CFAP161: variants seen among roughly 807,000 people sequenced by gnomAD.
CFAP161 encodes cilia- and flagella-associated protein 161.
In CFAP161, 25 loss-of-function variants were observed where a neutral mutation model predicts 29.0. The ratio of observed to expected loss-of-function variants is 0.86; its 90% CI spans 0.63 to 1.20. CFAP161 has a LOEUF of 1.20. Ranked by LOEUF, CFAP161 falls within the 50% of genes most tolerant of loss-of-function variation. The pLI, the probability that CFAP161 is intolerant of heterozygous loss-of-function variation, is 0.00. For synonymous variants in CFAP161, 116 were observed against 137.4 expected (o/e 0.84, Z 1.09); for missense variants, 367 against 371.9 (o/e 0.99, Z 0.11).
chr15:81,118,235 A>G, intron 1 of CFAP161: 1 of 500,656 alleles, frequency 2.0e-6, no homozygotes, highest in East Asian at 5.0e-5. Context: ...ATTGAAATCA[A>G]ACCTACATTT....
intron 1 of CFAP161, among the ~76,000 whole-genome samples, chr15:81,100,704 C>CTA (rs373427489): frequency 0.56 from 83,404 of 148,606 alleles, 23,996 homozygotes; most frequent in Non-Finnish European, 0.66. Context: ...CTCTCTCTCT[C>CTA]TTTTTTTTTT....
chr15:81,101,578 G>A (rs745612624), intron 1 of CFAP161, among the ~76,000 whole-genome samples: 2 of 143,226 alleles, frequency 1.4e-5, no homozygotes, highest in East Asian at 2.0e-4. Flanking sequence ...GGGGTGATTC[G>A]TGAGTGATCT....
intron 4 of CFAP161, 25 bp downstream of exon 4, chr15:81,138,160 C>T (rs747363745): frequency 1.9e-6 from 3 of 1,559,650 alleles, no homozygotes. Flanking sequence ...TGCATATCTA[C>T]TTTGGATCAG....
chr15:81,108,509 C>T (rs145927515), intron 1 of CFAP161, among the ~76,000 whole-genome samples: 55 of 152,170 alleles, frequency 3.6e-4, no homozygotes, highest in African/African-American at 1.3e-3. Context: ...GGCTTGTGGT[C>T]CTCAAGGGTT....
At chr15:81,111,836 G>A (rs1375046130) in intron 1 of CFAP161, among the ~76,000 whole-genome samples, 1 of 152,182 alleles carries the variant, frequency 6.6e-6, no homozygotes, top group Non-Finnish European at 1.5e-5. Context: ...AAGTCTCTGA[G>A]TCATTGTTCC....
At chr15:81,142,058 T>C (rs930954374) in intron 4 of CFAP161, among the ~76,000 whole-genome samples, 2 of 152,164 alleles carry the variant, frequency 1.3e-5, no homozygotes, top group Admixed American at 1.3e-4. Context: ...GGCGAATCTA[T>C]CTTGGGCCCA....
intron 1 of CFAP161, among the ~76,000 whole-genome samples, chr15:81,116,710 G>GT (rs1261091414): frequency 1.3e-5 from 2 of 152,174 alleles, no homozygotes; most frequent in Non-Finnish European, 2.9e-5. Context: ...GGCTTGGTGA[G>GT]TTTTTTGTGT....
chr15:81,119,752 C>G (rs934873973), intron 1 of CFAP161, among the ~76,000 whole-genome samples: 3 of 151,982 alleles, frequency 2.0e-5, no homozygotes, highest in Non-Finnish European at 2.9e-5. Flanking sequence ...TTAAAAGGTT[C>G]AAAACAATTG....
At chr15:81,120,097 A>G (rs1894552950) in intron 1 of CFAP161, among the ~76,000 whole-genome samples, 1 of 152,142 alleles carries the variant, frequency 6.6e-6, no homozygotes, top group African/African-American at 2.4e-5. Context: ...AAATGTAAAA[A>G]ATATATATTT....
intron 1 of CFAP161, among the ~76,000 whole-genome samples, chr15:81,124,464 GAAGTT>G (rs1389186708): frequency 9.2e-6 from 1 of 108,444 alleles, no homozygotes; most frequent in Admixed American, 8.9e-5. Context: ...ATACTGGCAT[GAAGTT>G]TTCTTTTTTT....
rs59925511 is a variant in CFAP161 at position 81,115,849 on chromosome 15, A to ATT, written c.-141-11724_-141-11723dup. On this transcript the variant is annotated intron_variant, in intron 1 of 4. Transcript: ENST00000560091. ...AGGTACCACTGTGCCTAGCTAATTA[A>ATT]TTTTTTTTTTTTTTTTTTAACAGAG... Among the ~76,000 whole-genome samples, 716 of 138,694 alleles carry ATT rather than the reference A, an allele frequency of 5.2e-3. 9 individuals carry two copies. Among genetic ancestry groups the ATT allele is most frequent in the African/African-American group, 0.018 (683 of 37,402 alleles). 91.0% of individuals were successfully genotyped at this position (138,694 alleles called of 152,430 possible).
intron 1 of CFAP161, among the ~76,000 whole-genome samples, chr15:81,108,621 G>C (rs1443696246): frequency 6.6e-6 from 1 of 152,144 alleles, no homozygotes; most frequent in Non-Finnish European, 1.5e-5. Context: ...AGGGCCCTCT[G>C]GTGGGGCAAG....
chr15:81,147,917 G>T lies in CFAP161; in HGVS notation c.696G>T (p.Arg232=). ...CAAATCGGGGACTGGCAGCCCACCG[G>T]CATCTTTTCTTAAGGTATTGTATTT... ...CHTNRGLAAH[R]HLFLSTYFGK... is the part of the protein sequence containing the mutation. The change falls in exon 6 of 7, where the codon CGG becomes CGT. Residue 232 remains arginine (R), a synonymous_variant. Transcript: ENST00000286732. 6.2e-7 allele frequency: 1 copy of T among 1,610,204 alleles called. No homozygotes were observed. Among genetic ancestry groups the T allele is most frequent in the South Asian group, 1.1e-5 (1 of 90,428 alleles).
At chr15:81,141,517 T>A (rs963326358) in intron 4 of CFAP161, among the ~76,000 whole-genome samples, 3 of 152,214 alleles carry the variant, frequency 2.0e-5, no homozygotes, top group African/African-American at 7.2e-5. Flanking sequence ...TCTCTCTTCC[T>A]CAATTCTTAT....
intron 1 of CFAP161, among the ~76,000 whole-genome samples, chr15:81,119,693 A>C (rs1434811694): frequency 6.6e-6 from 1 of 152,106 alleles, no homozygotes; most frequent in Non-Finnish European, 1.5e-5. Context: ...ATTTTAGGTC[A>C]AAAAGAGATA....
chr15:81,108,702 C>T (rs1037395865), intron 1 of CFAP161, among the ~76,000 whole-genome samples: 1 of 152,114 alleles, frequency 6.6e-6, no homozygotes, highest in African/African-American at 2.4e-5. Flanking sequence ...TGTGAGGCAA[C>T]TTCAAAAGTT....
chr15:81,140,793 G>A lies in CFAP161; in HGVS notation c.477+2658G>A, dbSNP rs1183235075. ...GTAGAGACGGAGTTTCGCCATGTTGGCCAGGCTGGTCTTGAACTCCTGAGT... is the reference window on the plus strand; with the variant it reads ...GTAGAGACGGAGTTTCGCCATGTTGACCAGGCTGGTCTTGAACTCCTGAGT... On this transcript the variant is annotated intron_variant, in intron 4 of 6. Transcript: ENST00000286732. 5.3e-5 allele frequency among the ~76,000 whole-genome samples: 8 copies of A among 151,826 alleles called. No homozygotes were observed. The South Asian group carries it at 1.2e-3, about 24-fold the overall frequency.
At chr15:81,101,009 C>A (rs1894297689) in intron 1 of CFAP161, among the ~76,000 whole-genome samples, 1 of 152,162 alleles carries the variant, frequency 6.6e-6, no homozygotes, top group African/African-American at 2.4e-5. Flanking sequence ...TAGAAAATCC[C>A]TAGATGTGTA....
chr15:81,147,014 G>A (rs1361396789), intron 5 of CFAP161, among the ~76,000 whole-genome samples: 1 of 151,120 alleles, frequency 6.6e-6, no homozygotes, highest in Non-Finnish European at 1.5e-5. Context: ...CACAGTGTGG[G>A]ACAAAGGACA....
Sources: allele counts gnomAD v4.1 joint callset (sites outside exome capture counted in the v4.1 genomes callset), GRCh38; gene constraint gnomAD v4.1.1; transcripts MANE v1.5; gene names NCBI Gene and HGNC (gene_info 2026-07-23, HGNC 2026-07-21).